SCN9A: variants seen among roughly 807,000 people sequenced by gnomAD.
The protein encoded by SCN9A is sodium channel protein type 9 subunit alpha.
Under a neutral mutation model 187.0 loss-of-function variants are expected in SCN9A, and 131 were observed. The observed-to-expected ratio is 0.70, with a 90% CI of 0.61 to 0.81. The LOEUF (loss-of-function observed/expected upper bound fraction) is 0.81, where lower values mean the gene tolerates loss of function less well. Ranked by LOEUF, SCN9A falls within the 30% of genes least tolerant of loss-of-function variation. The pLI, the probability that SCN9A is intolerant of heterozygous loss-of-function variation, is 0.00. For synonymous variants in SCN9A, 809 were observed against 808.6 expected, an observed-to-expected ratio of 1.00 and a Z score of -0.01; for missense variants, 2,252 against 2,396.6, an observed-to-expected ratio of 0.94 and a Z score of 1.26.
At chr2:166,286,281 A>G in intron 11 of SCN9A, 55 bp downstream of exon 11, 1 of 1,512,288 alleles carries the variant, frequency 6.6e-7, no homozygotes, top group African/African-American at 1.4e-5. Flanking sequence ...AAAATAAGAC[A>G]TTTTTCTCTA....
At chr2:166,272,900 T>C (rs376909493) in intron 16 of SCN9A, 25 bp from the exon 17 acceptor site, 5 of 1,009,078 alleles carry the variant, frequency 5.0e-6, no homozygotes, top group Non-Finnish European at 6.9e-6. Context: ...GGAGAGGGGG[T>C]AGAGAAATAG....
At chr2:166,202,096 C>T (rs1270312408) in intron 26 of SCN9A, among the ~76,000 whole-genome samples, 2 of 151,602 alleles carry the variant, frequency 1.3e-5, no homozygotes, top group Admixed American at 6.6e-5. Context: ...TCGGCCTTAA[C>T]TGTTATGTAA....
At chr2:166,353,829 C>T (rs1021131643) in intron 1 of SCN9A, among the ~76,000 whole-genome samples, 9 of 152,174 alleles carry the variant, frequency 5.9e-5, no homozygotes, top group African/African-American at 2.2e-4. Flanking sequence ...CTGTCTCCTT[C>T]AACTAGATTC....
chr2:166,338,128 A>G (rs1699673685), intron 1 of SCN9A, among the ~76,000 whole-genome samples: 1 of 152,088 alleles, frequency 6.6e-6, no homozygotes, highest in Non-Finnish European at 1.5e-5. Context: ...GCAGCAATCC[A>G]TGCAGCAAAG....
At chr2:166,337,405 T>G (rs1303369082) in intron 1 of SCN9A, among the ~76,000 whole-genome samples, 1 of 152,076 alleles carries the variant, frequency 6.6e-6, no homozygotes, top group Non-Finnish European at 1.5e-5. Flanking sequence ...CATGTTACTC[T>G]GGAACTTAAA....
chr2:166,246,868 C>T (rs1695812197), intron 18 of SCN9A, among the ~76,000 whole-genome samples: 1 of 151,866 alleles, frequency 6.6e-6, no homozygotes, highest in Non-Finnish European at 1.5e-5. Context: ...TTTATTACAC[C>T]TCAGAGAGTT....
chr2:166,318,019 T>C (rs1699148544), intron 1 of SCN9A, among the ~76,000 whole-genome samples: 1 of 152,202 alleles, frequency 6.6e-6, no homozygotes, highest in South Asian at 2.1e-4. Flanking sequence ...AACAAGTTGA[T>C]TAATCCATGG....
rs942556763 is a variant in SCN9A, at chr2:166,311,727, C to G, written c.30G>C (p.Gln10His). ...ACTGTTTTGTGAAATGGACAAAGCT[C>G]TGAGGTCCTGGGGGAGGCAACATTG... MAMLPPPGPQSFVHFTKQSL... is the reference protein window; with the variant it reads MAMLPPPGPHSFVHFTKQSL... The change falls in exon 2 of 27, where the codon CAG (glutamine) becomes CAC (histidine). Residue 10 changes from glutamine (Q) to histidine (H), a missense_variant. By Grantham distance (24) the Gln-to-His change is conservative (BLOSUM62 0). Around this residue, in one of 7 missense-constraint regions of SCN9A, gnomAD observed 1,013 missense variants for 997.4 expected, o/e 1.02. Transcript: ENST00000642356. 2.2e-5 allele frequency: 36 copies of G among 1,608,712 alleles called. No individual in the cohort carries two copies. The highest frequency in any genetic ancestry group is 2.8e-5 in the Non-Finnish European group (33 of 1,176,508).
At chr2:166,244,456 A>G (rs1423969359) in intron 18 of SCN9A, among the ~76,000 whole-genome samples, 2 of 152,108 alleles carry the variant, frequency 1.3e-5, no homozygotes, top group East Asian at 1.9e-4. Context: ...ATTTGACTAT[A>G]TAAACTTAGA....
At chr2:166,235,506 G>C (rs774193880) in intron 20 of SCN9A, among the ~76,000 whole-genome samples, 3 of 152,050 alleles carry the variant, frequency 2.0e-5, no homozygotes, top group Non-Finnish European at 4.4e-5. Context: ...CATCTGTAGG[G>C]CTTGTTACAA....
chr2:166,254,909 A>G (rs1354482353), intron 17 of SCN9A, among the ~76,000 whole-genome samples: 1 of 151,500 alleles, frequency 6.6e-6, no homozygotes, highest in Non-Finnish European at 1.5e-5. Flanking sequence ...AGGAATCAGA[A>G]GTGTACCATA....
At chr2:166,367,331 C>T (rs1200744062) in intron 1 of SCN9A, among the ~76,000 whole-genome samples, 1 of 152,130 alleles carries the variant, frequency 6.6e-6, no homozygotes, top group Non-Finnish European at 1.5e-5. Flanking sequence ...GGCTCGATCT[C>T]AGCTCACTGC....
intron 6 of SCN9A, 50 bp downstream of exon 6, chr2:166,304,188 A>G (rs202071016): frequency 5.6e-6 from 9 of 1,608,418 alleles, no homozygotes; most frequent in South Asian, 5.5e-5. Context: ...ACAACTCCCA[A>G]ATAGTTGGAG....
At chr2:166,244,858 C>T (rs1025677696) in intron 18 of SCN9A, among the ~76,000 whole-genome samples, 2 of 151,978 alleles carry the variant, frequency 1.3e-5, no homozygotes, top group African/African-American at 4.8e-5. Context: ...TCTCCAAGCA[C>T]TACAAATGAG....
Position 166,303,277 on chromosome 2 carries a change from C to A in SCN9A, c.714G>T (p.Leu238Phe), listed in dbSNP as rs1259872053. ...IPGLKTIVGA[L>F]IQSVKKLSDV... The stretch of plus-strand genomic sequence containing the variant: ...CAGAAAGCTTCTTCACTGACTGGAT[C>A]AAAGCCCCTACAATTGTCTTCAGGC... Residue 238 changes from leucine (L) to phenylalanine (F), a missense_variant, in exon 7 of 27, where the codon TTG becomes TTT. Physicochemically the swap from Leu to Phe is conservative, Grantham distance 22 (BLOSUM62 0). Transcript: ENST00000642356. The A allele has an allele frequency of 6.2e-7, 1 of 1,613,286 alleles. No individual in the cohort carries two copies. The highest frequency in any genetic ancestry group is 1.3e-5 in the African/African-American group (1 of 74,848).
chr2:166,245,330 C>T (rs1159190794), intron 18 of SCN9A, among the ~76,000 whole-genome samples: 4 of 151,874 alleles, frequency 2.6e-5, no homozygotes, highest in Non-Finnish European at 5.9e-5. Flanking sequence ...GATATAAGTA[C>T]ACATTTTTTA....
chr2:166,298,810 C>T (rs1391145073), intron 7 of SCN9A: 2 of 152,146 alleles, frequency 1.3e-5, no homozygotes, highest in Non-Finnish European at 2.9e-5. Context: ...GGTGGAGAAA[C>T]TCTCACAACC....
intron 1 of SCN9A, among the ~76,000 whole-genome samples, chr2:166,358,981 T>G (rs542895321): frequency 6.6e-6 from 1 of 152,330 alleles, no homozygotes; most frequent in Admixed American, 6.5e-5. Context: ...TCCACATGAC[T>G]ACCCAGGTGT....
chr2:166,211,962 CA>C (rs2106360370), intron 24 of SCN9A, among the ~76,000 whole-genome samples: 1 of 152,268 alleles, frequency 6.6e-6, no homozygotes, highest in South Asian at 2.1e-4. Context: ...ACTTCCCAAT[CA>C]AAAGACCTAC....
Sources: gnomAD v4.1 joint callset for allele counts (sites outside exome capture counted in the v4.1 genomes callset) on GRCh38, gnomAD v4.1.1 for gene constraint, gnomAD v4.1.1 regional missense constraint, MANE v1.5 for transcripts, NCBI Gene and HGNC (gene_info 2026-07-23, HGNC 2026-07-21) for gene names.